Variants in KCNN2 observed in about 807,000 individuals in gnomAD.
KCNN2 encodes potassium calcium-activated channel subfamily N member 2.
Under a neutral mutation model 55.5 loss-of-function variants are expected in KCNN2, and 24 were observed. The ratio of observed to expected loss-of-function variants is 0.43; its 90% confidence interval spans 0.31 to 0.61. KCNN2 has a LOEUF of 0.61. Among genes scored for constraint, KCNN2 ranks in the 20% least tolerant of loss-of-function variants. The pLI is 0.08. For synonymous variants in KCNN2, 431 were observed against 336.1 expected, an observed-to-expected ratio of 1.28 and a Z score of -3.09; for missense variants, 754 against 853.6, an observed-to-expected ratio of 0.88 and a Z score of 1.45.
intron 1 of KCNN2, among the ~76,000 whole-genome samples, chr5:114,208,558 A>G (rs1043854437): frequency 4.6e-5 from 7 of 152,226 alleles, no homozygotes; most frequent in Non-Finnish European, 8.8e-5. Context: ...GCTGTGCATT[A>G]GGATAACCTG....
At chr5:114,385,063 T>C (rs776238028) in intron 2 of KCNN2, among the ~76,000 whole-genome samples, 2 of 152,236 alleles carry the variant, frequency 1.3e-5, no homozygotes, top group Non-Finnish European at 2.9e-5. Context: ...CTCTATCTTA[T>C]TAACATTAAA....
chr5:114,329,464 A>G (rs547854920), intron 2 of KCNN2, among the ~76,000 whole-genome samples: 1 of 152,290 alleles, frequency 6.6e-6, no homozygotes, highest in Non-Finnish European at 1.5e-5. Context: ...TCTTTCTCCC[A>G]TGCTGGTTGC....
chr5:114,425,937 T>G (rs896709686), intron 3 of KCNN2, among the ~76,000 whole-genome samples: 2 of 151,596 alleles, frequency 1.3e-5, no homozygotes, highest in African/African-American at 2.4e-5. Context: ...CCTAGCACTT[T>G]GTGAGGCCGA....
At chr5:114,099,858 G>A (rs1310065683) in intron 1 of KCNN2, among the ~76,000 whole-genome samples, 1 of 151,784 alleles carries the variant, frequency 6.6e-6, no homozygotes, top group Non-Finnish European at 1.5e-5. Flanking sequence ...ACACAAAAAG[G>A]TGTCTTTTAA....
chr5:114,474,398 A>G (rs1393135679), intron 5 of KCNN2, among the ~76,000 whole-genome samples: 5 of 152,232 alleles, frequency 3.3e-5, no homozygotes, highest in African/African-American at 9.6e-5. Flanking sequence ...CAGATGCTAC[A>G]TTTTCAGCCT....
At chr5:114,236,435 G>C (rs1030064170) in intron 2 of KCNN2, among the ~76,000 whole-genome samples, 1 of 150,934 alleles carries the variant, frequency 6.6e-6, no homozygotes, top group Non-Finnish European at 1.5e-5. Context: ...ACAATTCTAG[G>C]TTCAGATCAT....
intron 1 of KCNN2, among the ~76,000 whole-genome samples, chr5:114,180,388 C>T (rs985158194): frequency 6.6e-6 from 1 of 152,182 alleles, no homozygotes; most frequent in Non-Finnish European, 1.5e-5. Context: ...ATAACCCTAA[C>T]AATTATATTC....
At position 114,470,253 on chromosome 5, in the gene KCNN2, G is replaced by A. The variant is rs114908856; in HGVS notation, c.1780-2801G>A. On this transcript the variant is annotated intron_variant, in intron 4 of 7. Coordinates refer to ENST00000673685, the MANE Select transcript of KCNN2 (RefSeq NM_021614.4). ...GATCTCAGCAGAGGCCACCTGCCAG[G>A]GGAGAACAATATTCAACTTTTTATG... is the stretch of plus-strand genomic sequence containing the variant. Among the ~76,000 whole-genome samples, 575 of 152,194 alleles carry A rather than the reference G, an allele frequency of 3.8e-3. 3 individuals are homozygous for A. The highest frequency in any genetic ancestry group is 7.5e-3 in the South Asian group (36 of 4,818).
At chr5:114,307,436 C>G (rs184267543) in intron 2 of KCNN2, among the ~76,000 whole-genome samples, 1 of 152,204 alleles carries the variant, frequency 6.6e-6, no homozygotes, top group East Asian at 1.9e-4. Context: ...GGCCTTCTTG[C>G]CTGTTCTGAT....
intron 2 of KCNN2, among the ~76,000 whole-genome samples, chr5:114,386,707 GCA>G (rs1264693923): frequency 6.6e-6 from 1 of 152,184 alleles, no homozygotes. Context: ...TGTAATATAA[GCA>G]CCTATGGAGG....
intron 2 of KCNN2, among the ~76,000 whole-genome samples, chr5:114,332,280 G>C (rs1756838658): frequency 6.6e-6 from 1 of 152,202 alleles, no homozygotes; most frequent in Admixed American, 6.5e-5. Context: ...GCCTGCATGG[G>C]ATGTGCCAAT....
At chr5:114,177,453 T>C (rs1158318412) in intron 1 of KCNN2, among the ~76,000 whole-genome samples, 1 of 152,052 alleles carries the variant, frequency 6.6e-6, no homozygotes, top group Non-Finnish European at 1.5e-5. Context: ...CTGTTTTGTA[T>C]GTATGTCACA....
At chr5:114,318,137 T>C (rs1054687037) in intron 2 of KCNN2, among the ~76,000 whole-genome samples, 1 of 152,238 alleles carries the variant, frequency 6.6e-6, no homozygotes, top group Non-Finnish European at 1.5e-5. Flanking sequence ...TGCTCTTCAG[T>C]TGGACTCATT....
chr5:114,117,437 G>A (rs944674815), intron 1 of KCNN2, among the ~76,000 whole-genome samples: 2 of 152,194 alleles, frequency 1.3e-5, no homozygotes, highest in Non-Finnish European at 2.9e-5. Flanking sequence ...GGTCCTGTCT[G>A]AGGGGCCACC....
chr5:114,200,437 A>C (rs990265618), intron 1 of KCNN2, among the ~76,000 whole-genome samples: 1 of 150,162 alleles, frequency 6.7e-6, no homozygotes, highest in Non-Finnish European at 1.5e-5. Flanking sequence ...TAATTTCTTT[A>C]TATCGTTTTT....
chr5:114,096,721 G>T (rs899074815), intron 1 of KCNN2, among the ~76,000 whole-genome samples: 3 of 152,066 alleles, frequency 2.0e-5, no homozygotes, highest in Non-Finnish European at 4.4e-5. Context: ...TTCCCCACAG[G>T]CTTCATTTCT....
chr5:114,298,166 G>A (rs1187789170), intron 2 of KCNN2, among the ~76,000 whole-genome samples: 3 of 152,190 alleles, frequency 2.0e-5, no homozygotes, highest in African/African-American at 7.2e-5. Context: ...CTCAGGAAAA[G>A]AAACCAGCAG....
intron 1 of KCNN2, among the ~76,000 whole-genome samples, chr5:114,148,671 G>T (rs1292172460): frequency 6.6e-6 from 1 of 152,098 alleles, no homozygotes; most frequent in Non-Finnish European, 1.5e-5. Flanking sequence ...TCAGATGAAT[G>T]CCACATGTCC....
chr5:114,304,262 T>A (rs2150023572), intron 2 of KCNN2, among the ~76,000 whole-genome samples: 1 of 152,224 alleles, frequency 6.6e-6, no homozygotes, highest in South Asian at 2.1e-4. Flanking sequence ...TATAAGACAG[T>A]TTTTACGAGG....
Sources: gnomAD v4.1 joint callset for allele counts (sites outside exome capture counted in the v4.1 genomes callset) on GRCh38, gnomAD v4.1.1 for gene constraint, MANE v1.5 for transcripts, NCBI Gene and HGNC (gene_info 2026-07-23, HGNC 2026-07-21) for gene names.